Variants in ATP10B observed in about 807,000 individuals in gnomAD.
The protein encoded by ATP10B is ATPase phospholipid transporting 10B (putative), also known as phospholipid-transporting ATPase VB.
ATP10B carries 122 observed loss-of-function variants against 141.2 expected under a neutral mutation model. The ratio of observed to expected loss-of-function variants is 0.86; its 90% CI spans 0.75 to 1.00. ATP10B has a LOEUF of 1.00. ATP10B is among the 50% of genes least tolerant of loss of function. The pLI, the probability that ATP10B is intolerant of heterozygous loss-of-function variation, is 0.00. For missense variants in ATP10B, 1,876 were observed against 1,825.3 expected, an observed-to-expected ratio of 1.03 and a Z score of -0.51; for synonymous variants, 685 against 692.0, an observed-to-expected ratio of 0.99 and a Z score of 0.16.
intron 3 of ATP10B, among the ~76,000 whole-genome samples, chr5:160,708,451 G>C (rs1765153233): frequency 6.6e-6 from 1 of 152,104 alleles, no homozygotes. Flanking sequence ...TGAGGATTTG[G>C]TGACTTTTTA....
At chr5:160,651,505 A>G (rs73818280) in intron 7 of ATP10B, among the ~76,000 whole-genome samples, 3,389 of 152,078 alleles carry the variant, frequency 0.022, 117 homozygotes, top group African/African-American at 0.078. Flanking sequence ...TTGTGCCTCA[A>G]AAAACAGAAT....
At position 160,731,203 on chromosome 5, in the gene ATP10B, G is replaced by A. The variant is rs79503493; in HGVS notation, c.-330-14169C>T. The stretch of plus-strand genomic sequence containing the variant: ...AAACCCAGGAAAGCTACCAAGATGA[G>A]TCAGCCTTGTTTGCCGTTTGTGAGT... On this transcript the variant is annotated intron_variant, in intron 2 of 25. Coordinates refer to ENST00000327245, the MANE Select transcript of ATP10B (RefSeq NM_025153.3). Among the ~76,000 whole-genome samples the A allele has an allele frequency of 9.4e-3, 1,435 of 152,304 alleles. 26 individuals carry two copies. The highest frequency in any genetic ancestry group is 0.033 in the African/African-American group (1,383 of 41,566).
At chr5:160,670,248 T>C (rs768213742) in intron 7 of ATP10B, among the ~76,000 whole-genome samples, 16 of 152,190 alleles carry the variant, frequency 1.1e-4, no homozygotes, top group Non-Finnish European at 2.2e-4. Context: ...AGCAAGTTAT[T>C]TAACTTTACT....
chr5:160,763,736 A>C (rs556294447), intron 2 of ATP10B, among the ~76,000 whole-genome samples: 1 of 152,242 alleles, frequency 6.6e-6, no homozygotes, highest in East Asian at 1.9e-4. Flanking sequence ...AAATTGAAAC[A>C]AAAAATATGC....
intron 2 of ATP10B, among the ~76,000 whole-genome samples, chr5:160,770,779 T>C (rs12515360): frequency 0.16 from 23,782 of 152,164 alleles, 2,696 homozygotes; most frequent in East Asian, 0.43. Context: ...ATTAAGTAAA[T>C]CACTGAACAG....
the ATP10B span, among the ~76,000 whole-genome samples, chr5:160,924,551 C>T: frequency 6.6e-6 from 1 of 152,184 alleles, no homozygotes; most frequent in Non-Finnish European, 1.5e-5. Context: ...AGGATGACTG[C>T]TTTATCGGGG....
chr5:160,881,308 G>A, the ATP10B span, among the ~76,000 whole-genome samples: 1 of 152,118 alleles, frequency 6.6e-6, no homozygotes, highest in Non-Finnish European at 1.5e-5. Flanking sequence ...TAACAAGAAT[G>A]GGGAATAAGA....
rs192627065 is a variant in ATP10B, at chr5:160,827,017, G to A, written c.-576+24924C>T. Among the ~76,000 whole-genome samples the A allele has an allele frequency of 4.6e-5, 7 of 152,280 alleles. No homozygotes were observed. The East Asian group carries it at 1.2e-3, about 25-fold the overall frequency. On this transcript the variant is annotated intron_variant, in intron 1 of 25. Coordinates refer to ENST00000327245, the MANE Select transcript of ATP10B (RefSeq NM_025153.3). ...CTTTTGCCCTGGTCCTGTTTCCTCA[G>A]AAGCACGTGATCTTTGTTCTCCTTT...
the ATP10B span, among the ~76,000 whole-genome samples, chr5:160,914,949 G>A: frequency 6.6e-6 from 1 of 152,140 alleles, no homozygotes; most frequent in Non-Finnish European, 1.5e-5. Context: ...TGTAAAGCCT[G>A]GAAGAAGGTT....
chr5:160,900,922 T>G, the ATP10B span, among the ~76,000 whole-genome samples: 4 of 150,016 alleles, frequency 2.7e-5, no homozygotes, highest in Non-Finnish European at 5.9e-5. Context: ...TTTTTTTTTT[T>G]TTTTTTTTTT....
At chr5:160,854,026 C>T (rs922731827), upstream of ATP10B, among the ~76,000 whole-genome samples, 6 of 152,052 alleles carry the variant, frequency 3.9e-5, no homozygotes, top group African/African-American at 1.4e-4. Flanking sequence ...TCATGTCTAG[C>T]TTTTGTATTC....
At position 160,563,355 on chromosome 5, in the gene ATP10B, G is replaced by A. The variant is rs1275298416; in HGVS notation, c.*2098C>T. The A allele has an allele frequency of 6.6e-6, 1 of 152,142 alleles. No homozygotes were observed. The highest frequency in any genetic ancestry group is 2.4e-5 in the African/African-American group (1 of 41,444). 9.4% of individuals were successfully genotyped at this position (152,142 alleles called of 1,614,324 possible). A position where few individuals can be genotyped will look rare whatever the true frequency, so the allele number is the denominator to read the frequency against. The stretch of plus-strand genomic sequence containing the variant: ...TGTACCAGTTGCTCCAGTTTCCTAG[G>A]ATTTGGGACTCTGTAAAAATGAGAA... On this transcript the variant is annotated 3_prime_UTR_variant, in exon 26 of 26. Transcript: ENST00000327245.
chr5:160,723,946 A>T (rs1341748817), intron 2 of ATP10B, among the ~76,000 whole-genome samples: 4 of 152,238 alleles, frequency 2.6e-5, no homozygotes, highest in South Asian at 2.1e-4. Flanking sequence ...AATACTGTGC[A>T]GCCACAAAAA....
At chr5:160,787,448 C>A (rs892392815) in intron 1 of ATP10B, among the ~76,000 whole-genome samples, 3 of 152,154 alleles carry the variant, frequency 2.0e-5, no homozygotes, top group African/African-American at 7.2e-5. Context: ...GCCACCTTGC[C>A]CTCCAGTGGC....
chr5:160,834,572 A>C (rs1775302902), intron 1 of ATP10B, among the ~76,000 whole-genome samples: 1 of 152,176 alleles, frequency 6.6e-6, no homozygotes, highest in Admixed American at 6.6e-5. Flanking sequence ...ATGGAGATAA[A>C]TATGGATAAA....
At chr5:160,604,699 G>GGCATAGAC (rs1210962515) in intron 19 of ATP10B, among the ~76,000 whole-genome samples, 3 of 151,814 alleles carry the variant, frequency 2.0e-5, no homozygotes, top group Non-Finnish European at 4.4e-5. Flanking sequence ...CTGGAGGTAA[G>GGCATAGAC]GCATAGACAC....
intron 24 of ATP10B, among the ~76,000 whole-genome samples, chr5:160,575,579 A>G (rs1446336690): frequency 6.6e-6 from 1 of 152,176 alleles, no homozygotes; most frequent in Non-Finnish European, 1.5e-5. Flanking sequence ...GTAATTAAAA[A>G]AAGCACTGGA....
At chr5:160,859,895 C>T in the ATP10B span, among the ~76,000 whole-genome samples, 20 of 151,974 alleles carry the variant, frequency 1.3e-4, no homozygotes, top group Non-Finnish European at 2.1e-4. Context: ...GATATTTGCA[C>T]GAACACAGTG....
At chr5:160,828,186 C>T (rs867935321) in intron 1 of ATP10B, among the ~76,000 whole-genome samples, 1 of 152,036 alleles carries the variant, frequency 6.6e-6, no homozygotes, top group African/African-American at 2.4e-5. Flanking sequence ...AAAGCAATGG[C>T]AACAGAAGCC....
Sources: allele counts gnomAD v4.1 joint callset (sites outside exome capture counted in the v4.1 genomes callset), GRCh38; gene constraint gnomAD v4.1.1; transcripts MANE v1.5; gene names NCBI Gene and HGNC (gene_info 2026-07-23, HGNC 2026-07-21).